Variants in USP30 observed in about 807,000 individuals in gnomAD.
USP30 encodes ubiquitin specific peptidase 30, also known as ubiquitin carboxyl-terminal hydrolase 30.
Under a neutral mutation model 68.2 loss-of-function variants are expected in USP30, and 41 were observed. The observed-to-expected ratio is 0.60, with a 90% CI of 0.47 to 0.78. The LOEUF (loss-of-function observed/expected upper bound fraction) is 0.78. Ranked by LOEUF, USP30 falls within the 30% of genes least tolerant of loss-of-function variation. The pLI is 0.00. For missense variants in USP30, 522 were observed against 649.4 expected (o/e 0.80, Z 2.13); for synonymous variants, 229 against 253.7 (o/e 0.90, Z 0.93).
At chr12:109,081,464 T>C in intron 8 of USP30, 71 bp downstream of exon 8, 1 of 1,501,762 alleles carries the variant, frequency 6.7e-7, no homozygotes, top group Non-Finnish European at 9.2e-7. Context: ...CTTTGAGGCA[T>C]TTTATGTGGC....
intron 3 of USP30, among the ~76,000 whole-genome samples, chr12:109,032,111 A>C (rs1276616047): frequency 3.3e-5 from 5 of 151,668 alleles, no homozygotes; most frequent in Non-Finnish European, 7.4e-5. Context: ...AAAAAAAAAA[A>C]AACACGGGCA....
chr12:109,027,819 C>G (rs1344413692), intron 3 of USP30, among the ~76,000 whole-genome samples: 4 of 152,178 alleles, frequency 2.6e-5, no homozygotes, highest in African/African-American at 9.7e-5. Context: ...GTTGTTTCCA[C>G]CTTTTTGGCT....
chr12:109,058,199 T>C, intron 3 of USP30, 91 bp downstream of exon 3: 2 of 1,317,402 alleles, frequency 1.5e-6, no homozygotes, highest in Non-Finnish European at 2.1e-6. Context: ...AATACCTTAT[T>C]GTAGGAAAAG....
At chr12:109,077,312 T>C (rs2041641229) in intron 7 of USP30, among the ~76,000 whole-genome samples, 1 of 152,234 alleles carries the variant, frequency 6.6e-6, no homozygotes, top group Non-Finnish European at 1.5e-5. Context: ...TATTATTTCT[T>C]GCTTGTTTGC....
At chr12:109,054,756 A>G (rs975654588) in intron 1 of USP30, 8 of 152,224 alleles carry the variant, frequency 5.3e-5, no homozygotes, top group Admixed American at 5.2e-4. Context: ...AAGTGATGCC[A>G]AATGAAATAG....
rs34629352 is a variant in USP30 at position 109,046,092 on chromosome 12, C to CTT, written c.-135-1471_-135-1470dup. On this transcript the variant is annotated intron_variant, in intron 3 of 15. Transcript: ENST00000392784. ...TCCCTCTTGCTTGGGGGAAGTCAGTCTTTTTTTTTTTTTTTTTTTTTTTTT... is the reference window on the plus strand; with the variant it reads ...TCCCTCTTGCTTGGGGGAAGTCAGTCTTTTTTTTTTTTTTTTTTTTTTTTTTT... 2.5e-3 allele frequency among the ~76,000 whole-genome samples: 119 copies of CTT among 46,768 alleles called. 1 individual carries two copies. Among genetic ancestry groups the CTT allele is most frequent in the Non-Finnish European group, 3.3e-3 (78 of 23,310 alleles). 30.7% of individuals were successfully genotyped at this position (46,768 alleles called of 152,430 possible).
At chr12:109,030,676 G>A (rs2040474333) in intron 3 of USP30, among the ~76,000 whole-genome samples, 1 of 152,196 alleles carries the variant, frequency 6.6e-6, no homozygotes, top group South Asian at 2.1e-4. Flanking sequence ...GAGTGCAGTG[G>A]CGCTATCTTG....
chr12:109,051,359 C>A (rs1354791321), upstream of USP30, among the ~76,000 whole-genome samples: 2 of 146,114 alleles, frequency 1.4e-5, no homozygotes, highest in African/African-American at 5.1e-5. Flanking sequence ...CAGGTTCTAG[C>A]GATTCTCCCG....
At position 109,052,644 on chromosome 12, in the gene USP30, G is replaced by A. The variant is rs757385205; in HGVS notation, c.-35G>A. On this transcript the variant is annotated 5_prime_UTR_variant, in exon 1 of 13. Coordinates refer to ENST00000257548, the MANE Select transcript of USP30 (RefSeq NM_032663.5). ...GTCCGGCGGCGGCGGCGGCGGTAGC[G>A]GAGGAGACGGTTTCAGGCCTCCGGT... 6 of 1,466,274 alleles carry A rather than the reference G, an allele frequency of 4.1e-6. No homozygotes were observed. Among genetic ancestry groups the A allele is most frequent in the Admixed American group, 2.6e-5 (1 of 39,038 alleles). 90.8% of individuals were successfully genotyped at this position (1,466,274 alleles called of 1,614,324 possible).
upstream of USP30, chr12:109,052,527 C>T (rs570903551): frequency 6.8e-5 from 41 of 605,828 alleles, no homozygotes; most frequent in South Asian, 1.4e-3. Context: ...TACTTCCGGT[C>T]CCCCTGGGAG....
Position 109,034,944 on chromosome 12 carries a change from C to T in USP30, c.-136+7388C>T, listed in dbSNP as rs544901470. 7.2e-5 allele frequency among the ~76,000 whole-genome samples: 11 copies of T among 152,222 alleles called. No individual in the cohort carries two copies. In the South Asian group the frequency reaches 1.5e-3, roughly 20 times the overall value. On this transcript the variant is annotated intron_variant, in intron 3 of 15. Coordinates refer to the USP30 transcript ENST00000392784. ...TGATATTAGTGTAATTACTTCAGCT[C>T]GCTTTTGGTTGCTGTTTGAATGATA...
At position 109,067,543 on chromosome 12, in the gene USP30, T is replaced by A. The variant is rs550914246; in HGVS notation, c.396T>A (p.Val132=). The stretch of plus-strand genomic sequence containing the variant: ...TTCCAGCCTTGTCCTGCCAAGAAGT[T>A]ACTGATGATGAGGTCTTAGATGCAA... ...HLLKALSCQE[V]TDDEVLDASC... The change falls in exon 4 of 13, where the codon GTT becomes GTA. Residue 132 remains valine, a synonymous_variant. Transcript: ENST00000257548. 6.2e-7 allele frequency: 1 copy of A among 1,614,172 alleles called. No homozygotes were observed. The highest frequency in any genetic ancestry group is 8.5e-7 in the Non-Finnish European group (1 of 1,180,010).
chr12:109,085,765 C>T lies in USP30; in HGVS notation c.1388C>T (p.Ala463Val), dbSNP rs1372313353. 4 of 1,614,238 alleles carry T rather than the reference C, an allele frequency of 2.5e-6. No homozygotes were observed. Among genetic ancestry groups the T allele is most frequent in the Middle Eastern group, 1.6e-4 (1 of 6,062 alleles). ...ACTTACCGACGGTCCCCACCTTCTG[C>T]CAGGAACCCTCTCTCAACTAGCAAT... ...FVTYRRSPPSARNPLSTSNQW... is the reference protein window; with the variant it reads ...FVTYRRSPPSVRNPLSTSNQW... The change falls in exon 13 of 13, where the codon GCC (alanine) becomes GTC (valine). Residue 463 changes from alanine to valine, a missense_variant. Coordinates refer to ENST00000257548, the MANE Select transcript of USP30 (RefSeq NM_032663.5).
At position 109,070,622 on chromosome 12, in the gene USP30, G is replaced by T. The variant is rs982252298; in HGVS notation, c.481-990G>T. On this transcript the variant is annotated intron_variant, in intron 4 of 12. Transcript: ENST00000257548. This position sits in a 1 kb window ranked among gnomAD's most constrained non-coding sequence, Gnocchi z 4.0. ...TATCTGCCTTTTAAAGTATTGCTCT[G>T]GTGGCAGTGTGAGGGGACACCAAAG... Among the ~76,000 whole-genome samples the T allele has an allele frequency of 7.9e-5, 12 of 152,276 alleles. 1 individual carries two copies. Among genetic ancestry groups the T allele is most frequent in the Middle Eastern group, 3.4e-3 (1 of 294 alleles).
intron 1 of USP30, among the ~76,000 whole-genome samples, chr12:109,056,382 AG>A (rs1015342282): frequency 2.6e-5 from 4 of 152,100 alleles, no homozygotes; most frequent in African/African-American, 7.2e-5. Context: ...TAGTAGAGAC[AG>A]GGTTTCCACA....
rs553085728 is a variant in USP30 at position 109,073,450 on chromosome 12, C to G, written c.638C>G (p.Pro213Arg). 5.6e-6 allele frequency: 9 copies of G among 1,613,904 alleles called. No individual in the cohort carries two copies. In the Admixed American group the frequency reaches 6.7e-5, roughly 12 times the overall value. Residue 213 changes from proline to arginine, a missense_variant, in exon 7 of 13, where the codon CCT becomes CGT. Pro to Arg is a moderately radical substitution (Grantham distance 103). Transcript: ENST00000257548. Reference sequence around the variant, plus strand: ...TTTTGCATTCCAGGGTCACCTCACCCTACATCCAATCACTGGAAGTCTCAA... The same window carrying G: ...TTTTGCATTCCAGGGTCACCTCACCGTACATCCAATCACTGGAAGTCTCAA... The part of the protein sequence containing the change: ...ITCRTRGSPH[P>R]TSNHWKSQHP...
intron 7 of USP30, among the ~76,000 whole-genome samples, chr12:109,080,574 T>C (rs1287657241): frequency 6.6e-6 from 1 of 152,232 alleles, no homozygotes; most frequent in African/African-American, 2.4e-5. Flanking sequence ...TCTTTCCACA[T>C]GATCATATGT....
At chr12:109,036,051 T>C (rs1260771972) in intron 3 of USP30, among the ~76,000 whole-genome samples, 2 of 152,040 alleles carry the variant, frequency 1.3e-5, no homozygotes, top group African/African-American at 4.8e-5. Context: ...TCCCAGCTAA[T>C]TGGGAGGCTG....
At chr12:109,071,899 G>T (rs61935540) in intron 5 of USP30, among the ~76,000 whole-genome samples, 189 bp downstream of exon 5, 2 of 152,246 alleles carry the variant, frequency 1.3e-5, no homozygotes, top group Non-Finnish European at 1.5e-5. Context: ...GGATGTCAAG[G>T]CTCTTTCAAA....
Sources: allele counts gnomAD v4.1 joint callset (sites outside exome capture counted in the v4.1 genomes callset), GRCh38; gene constraint gnomAD v4.1.1; non-coding constraint Gnocchi (gnomAD v3.1); transcripts MANE v1.5; gene names NCBI Gene and HGNC (gene_info 2026-07-23, HGNC 2026-07-21).